SLC16A7: variants seen among roughly 807,000 people sequenced by gnomAD.
The protein encoded by SLC16A7 is solute carrier family 16 member 7.
SLC16A7 carries 33 observed loss-of-function variants against 34.9 expected under a neutral mutation model. The observed-to-expected ratio is 0.94, with a 90% CI of 0.72 to 1.26. The LOEUF (loss-of-function observed/expected upper bound fraction) is 1.26. Among genes scored for constraint, SLC16A7 ranks in the 50% most tolerant of loss-of-function variants. The pLI, the probability that SLC16A7 is intolerant of heterozygous loss-of-function variation, is 0.00. For missense variants in SLC16A7, 573 were observed against 578.1 expected (o/e 0.99, Z 0.09); for synonymous variants, 201 against 206.6 (o/e 0.97, Z 0.23).
At chr12:59,775,497 G>T in intron 5 of SLC16A7, 22 bp downstream of exon 5, 4 of 1,565,538 alleles carry the variant, frequency 2.6e-6, no homozygotes, top group Non-Finnish European at 3.5e-6. Context: ...TTTCATCAAG[G>T]AAAATGTAAA....
chr12:59,683,218 T>C (rs1398629575), intron 2 of SLC16A7, among the ~76,000 whole-genome samples: 1 of 152,208 alleles, frequency 6.6e-6, no homozygotes, highest in Non-Finnish European at 1.5e-5. Context: ...TAGAGTGTTA[T>C]GCAATTTGAA....
At chr12:59,736,144 G>C (rs1221932340) in intron 3 of SLC16A7, among the ~76,000 whole-genome samples, 1 of 152,122 alleles carries the variant, frequency 6.6e-6, no homozygotes, top group African/African-American at 2.4e-5. Context: ...AAGGCTCCAG[G>C]GACAGAAGCA....
chr12:59,695,867 G>C (rs74094010), intron 2 of SLC16A7, among the ~76,000 whole-genome samples: 7 of 151,800 alleles, frequency 4.6e-5, no homozygotes, highest in African/African-American at 1.7e-4. Flanking sequence ...TTTTTCTGTC[G>C]CCCCGATTTG....
chr12:59,642,128 T>C (rs1002966109), intron 1 of SLC16A7, among the ~76,000 whole-genome samples: 1 of 152,078 alleles, frequency 6.6e-6, no homozygotes, highest in Non-Finnish European at 1.5e-5. Context: ...GTTTTTGAAC[T>C]GCATAGATGA....
chr12:59,644,522 A>AT (rs1291543413), intron 1 of SLC16A7, among the ~76,000 whole-genome samples: 1 of 152,122 alleles, frequency 6.6e-6, no homozygotes, highest in African/African-American at 2.4e-5. Flanking sequence ...AGCCAAGAAA[A>AT]TGCACTCCAG....
intron 3 of SLC16A7, among the ~76,000 whole-genome samples, chr12:59,718,007 CA>C (rs1875122593): frequency 1.3e-5 from 2 of 152,242 alleles, no homozygotes; most frequent in African/African-American, 4.8e-5. Flanking sequence ...ATACATCTCA[CA>C]AAGTATCTAA....
intron 1 of SLC16A7, among the ~76,000 whole-genome samples, chr12:59,601,572 G>C (rs971299885): frequency 2.0e-5 from 3 of 152,204 alleles, no homozygotes; most frequent in African/African-American, 7.2e-5. Context: ...GTGTAGGACT[G>C]TCTCTTTCAT....
chr12:59,728,851 C>T (rs1349375881), intron 3 of SLC16A7, among the ~76,000 whole-genome samples: 3 of 152,164 alleles, frequency 2.0e-5, no homozygotes, highest in African/African-American at 2.4e-5. Context: ...TACTTTGTAG[C>T]GTACTTTTTT....
Position 59,781,767 on chromosome 12 carries a change from A to C in SLC16A7, c.*2088A>C, listed in dbSNP as rs953890985. On this transcript the variant is annotated 3_prime_UTR_variant, in exon 6 of 6. Coordinates refer to ENST00000547379, the MANE Select transcript of SLC16A7 (RefSeq NM_001270623.2). ...ATTGTGTAGTACCTCTCCAATCATA[A>C]ATTTTCAAAAAAAAATTCTACTTTC... is the stretch of plus-strand genomic sequence containing the variant. 2 of 152,478 alleles carry C rather than the reference A, an allele frequency of 1.3e-5. No homozygotes were observed. Among genetic ancestry groups the C allele is most frequent in the African/African-American group, 4.8e-5 (2 of 41,448 alleles). 9.4% of individuals were successfully genotyped at this position (152,478 alleles called of 1,614,324 possible).
chr12:59,620,898 A>G (rs969916135), intron 1 of SLC16A7, among the ~76,000 whole-genome samples: 3 of 151,944 alleles, frequency 2.0e-5, no homozygotes, highest in South Asian at 2.1e-4. Context: ...CTTCACACCA[A>G]TGTCCGAGCT....
chr12:59,675,078 G>A (rs1356217642), intron 2 of SLC16A7, among the ~76,000 whole-genome samples: 1 of 152,196 alleles, frequency 6.6e-6, no homozygotes, highest in Non-Finnish European at 1.5e-5. Flanking sequence ...TTATCCAGCA[G>A]GCTAGTTTGT....
chr12:59,624,686 C>T (rs188382593), intron 1 of SLC16A7, among the ~76,000 whole-genome samples: 4 of 151,264 alleles, frequency 2.6e-5, no homozygotes, highest in Admixed American at 6.6e-5. Context: ...ATTTTTTGTT[C>T]CCCACTATTA....
intron 2 of SLC16A7, 116 bp from the exon 3 acceptor site, chr12:59,704,656 A>G: frequency 3.3e-6 from 2 of 609,316 alleles, no homozygotes; most frequent in South Asian, 4.4e-5. Context: ...TGTGAAAAAT[A>G]TTCATGAAAA....
intron 3 of SLC16A7, among the ~76,000 whole-genome samples, chr12:59,709,744 A>G (rs1053570568): frequency 6.6e-6 from 1 of 151,548 alleles, no homozygotes; most frequent in Non-Finnish European, 1.5e-5. Context: ...TTTCATCTGT[A>G]GGCATAAATA....
chr12:59,707,459 T>C (rs1313403497), intron 3 of SLC16A7, among the ~76,000 whole-genome samples: 1 of 152,062 alleles, frequency 6.6e-6, no homozygotes, highest in African/African-American at 2.4e-5. Flanking sequence ...TTATAAAAAG[T>C]AAATATACTA....
chr12:59,758,902 A>C (rs777522214), intron 3 of SLC16A7, among the ~76,000 whole-genome samples: 30 of 152,020 alleles, frequency 2.0e-4, no homozygotes, highest in Non-Finnish European at 3.1e-4. Context: ...GTATTGTTTC[A>C]TCTCCAAGTC....
rs1883755341 is a variant in SLC16A7 at position 59,788,245 on chromosome 12, A to T, written c.*8566A>T. The T allele has an allele frequency of 6.6e-6, 1 of 152,198 alleles. No individual in the cohort carries two copies. Among genetic ancestry groups the T allele is most frequent in the Non-Finnish European group, 1.5e-5 (1 of 68,014 alleles). The allele number at this position is 152,198 out of a possible 1,614,324, so 9.4% of individuals were successfully genotyped here. On this transcript the variant is annotated 3_prime_UTR_variant, in exon 6 of 6. Transcript: ENST00000547379. ...CTAATAAAAGACATTCCTTGGCAAC[A>T]GCCACATCCAGCTAACTTTTGCAAG...
intron 2 of SLC16A7, among the ~76,000 whole-genome samples, chr12:59,656,971 G>C (rs536698530): frequency 6.6e-6 from 1 of 151,978 alleles, no homozygotes; most frequent in East Asian, 1.9e-4. Context: ...TTTTTCATCT[G>C]TAAAATGAGG....
rs188458650 is a variant in SLC16A7 at position 59,694,449 on chromosome 12, G to A, written c.-30-10323G>A. 6.7e-4 allele frequency among the ~76,000 whole-genome samples: 102 copies of A among 151,860 alleles called. 1 individual carries two copies. Among genetic ancestry groups the A allele is most frequent in the Admixed American group, 3.3e-4 (5 of 15,216 alleles). ...GAGATAAGTGTACACCCATGAAACCGTCACTGCAATATATGCCTTAAATAT... is the reference window on the plus strand; with the variant it reads ...GAGATAAGTGTACACCCATGAAACCATCACTGCAATATATGCCTTAAATAT... On this transcript the variant is annotated intron_variant, in intron 2 of 5. Coordinates refer to ENST00000547379, the MANE Select transcript of SLC16A7 (RefSeq NM_001270623.2).
Sources: gnomAD v4.1 joint callset for allele counts (sites outside exome capture counted in the v4.1 genomes callset) on GRCh38, gnomAD v4.1.1 for gene constraint, MANE v1.5 for transcripts, NCBI Gene and HGNC (gene_info 2026-07-23, HGNC 2026-07-21) for gene names.